MED26: variants seen among roughly 807,000 people sequenced by gnomAD.
MED26 encodes the protein mediator of RNA polymerase II transcription subunit 26.
A neutral mutation model predicts 43.7 loss-of-function variants in MED26; 7 were observed. The observed-to-expected ratio is 0.16, with a 90% CI of 0.09 to 0.30. The LOEUF is 0.30. Among genes scored for constraint, MED26 ranks in the 10% least tolerant of loss-of-function variants. The probability of loss-of-function intolerance (pLI) is 1.00; values close to 1 mark genes in which losing one functional copy is unlikely to be tolerated. For missense variants in MED26, 784 were observed against 840.6 expected (o/e 0.93, Z 0.83); for synonymous variants, 375 against 371.1 (o/e 1.01, Z -0.12).
At chr19:16,614,480 T>C (rs982522770) in intron 1 of MED26, among the ~76,000 whole-genome samples, 14 of 151,970 alleles carry the variant, frequency 9.2e-5, no homozygotes, top group African/African-American at 2.9e-4. Flanking sequence ...AGTGAGCCGA[T>C]TGTGCCACTG....
In MED26 at chr19:16,580,690, C is replaced by G. The variant is rs577137988; in HGVS notation, c.73-2281G>C. Reference sequence around the variant, plus strand: ...CCGGCCCAGAGTTCAGCTCTTTACACTACAGGAATGAGGCCCATTTTCTTG... The same window carrying G: ...CCGGCCCAGAGTTCAGCTCTTTACAGTACAGGAATGAGGCCCATTTTCTTG... On this transcript the variant is annotated intron_variant, in intron 1 of 2. Transcript: ENST00000263390. 3.9e-5 allele frequency among the ~76,000 whole-genome samples: 6 copies of G among 152,286 alleles called. No individual in the cohort carries two copies. The South Asian group carries it at 1.2e-3, about 32-fold the overall frequency.
At chr19:16,617,664 T>G (rs1489291148) in intron 1 of MED26, among the ~76,000 whole-genome samples, 1 of 151,998 alleles carries the variant, frequency 6.6e-6, no homozygotes, top group East Asian at 1.9e-4. Flanking sequence ...CTCAGCTCAG[T>G]GTTTAGAGGA....
intron 1 of MED26, among the ~76,000 whole-genome samples, chr19:16,585,907 C>T (rs188005787): frequency 6.6e-6 from 1 of 152,352 alleles, no homozygotes; most frequent in East Asian, 1.9e-4. Flanking sequence ...CAACCTCTTC[C>T]TCGCTTTATT....
At chr19:16,596,060 G>C (rs1219635912) in intron 1 of MED26, among the ~76,000 whole-genome samples, 4 of 152,136 alleles carry the variant, frequency 2.6e-5, no homozygotes, top group Non-Finnish European at 1.5e-5. Context: ...GCCCAGATTG[G>C]AGTGCAGTGG....
At position 16,576,870 on chromosome 19, in the gene MED26, C is replaced by A; in HGVS notation, c.960G>T (p.Gln320His). ...GCCGCCGTACGGGGGGTGTGGACGG[C>A]TGTGCCAGTGGAAGCGGTGACGGCA... Reference protein sequence around the residue: ...TQVPSPLPLAQPSTPPVRRLE... With the variant: ...TQVPSPLPLAHPSTPPVRRLE... Residue 320 changes from glutamine to histidine, a missense_variant, in exon 3 of 3, where the codon CAG becomes CAT. Physicochemically the swap from Gln to His is conservative, Grantham distance 24 (BLOSUM62 0). Coordinates refer to ENST00000263390, the MANE Select transcript of MED26 (RefSeq NM_004831.5). The surrounding 1 kb of genome is among the most constrained non-coding windows in gnomAD (Gnocchi z 6.8). The A allele has an allele frequency of 1.2e-6, 2 of 1,610,128 alleles. No individual in the cohort carries two copies. The highest frequency in any genetic ancestry group is 1.1e-5 in the South Asian group (1 of 90,826).
In MED26 at chr19:16,575,975, C is replaced by T. The variant is rs371947010; in HGVS notation, c.*52G>A. On this transcript the variant is annotated 3_prime_UTR_variant, in exon 3 of 3. Transcript: ENST00000263390. Reference sequence around the variant, plus strand: ...CCGGCCACCTGCCCACCTGCCTGCCCGCCCACCCGGCTTCTGCAAGATGGG... The same window carrying T: ...CCGGCCACCTGCCCACCTGCCTGCCTGCCCACCCGGCTTCTGCAAGATGGG... 3.9e-5 allele frequency: 60 copies of T among 1,540,434 alleles called. No individual in the cohort carries two copies. Among genetic ancestry groups the T allele is most frequent in the Middle Eastern group, 3.4e-4 (2 of 5,820 alleles).
intron 1 of MED26, among the ~76,000 whole-genome samples, chr19:16,580,543 A>AT (rs892358026): frequency 3.0e-4 from 45 of 150,172 alleles, no homozygotes; most frequent in Admixed American, 4.6e-4. Flanking sequence ...TAATTTTTGT[A>AT]TTTTTTTTTA....
At chr19:16,585,292 C>T (rs1246780031) in intron 1 of MED26, among the ~76,000 whole-genome samples, 1 of 152,174 alleles carries the variant, frequency 6.6e-6, no homozygotes, top group Non-Finnish European at 1.5e-5. Flanking sequence ...GAGCCCGAAC[C>T]AGGGGCACAC....
intron 1 of MED26, among the ~76,000 whole-genome samples, chr19:16,600,985 T>A (rs1391129604): frequency 6.6e-6 from 1 of 151,328 alleles, no homozygotes; most frequent in East Asian, 2.0e-4. Flanking sequence ...ACACAGCTAC[T>A]GGGGAGGCTG....
chr19:16,582,965 C>T (rs2086053161), intron 1 of MED26, among the ~76,000 whole-genome samples: 1 of 152,200 alleles, frequency 6.6e-6, no homozygotes, highest in Non-Finnish European at 1.5e-5. Context: ...TAGCGACTGC[C>T]CCCACAGACC....
In MED26 at chr19:16,621,087, T is replaced by G. The variant is rs528548922; in HGVS notation, c.72+6785A>C. Reference sequence around the variant, plus strand: ...CACTTCATGTTTGCAAGGGTACACCTTGGAAGACGCAATGGAGTTCAGCTT... The same window carrying G: ...CACTTCATGTTTGCAAGGGTACACCGTGGAAGACGCAATGGAGTTCAGCTT... On this transcript the variant is annotated intron_variant, in intron 1 of 2. Coordinates refer to ENST00000263390, the MANE Select transcript of MED26 (RefSeq NM_004831.5). 3.3e-5 allele frequency among the ~76,000 whole-genome samples: 5 copies of G among 152,308 alleles called. No individual in the cohort carries two copies. In the East Asian group the frequency reaches 9.7e-4, roughly 29 times the overall value.
intron 1 of MED26, among the ~76,000 whole-genome samples, chr19:16,615,102 A>G (rs1247494256): frequency 6.6e-6 from 1 of 152,202 alleles, no homozygotes; most frequent in Non-Finnish European, 1.5e-5. Flanking sequence ...GGGAAATGAC[A>G]GGCAAGTCAG....
intron 2 of MED26, chr19:16,578,011 C>G: frequency 2.1e-6 from 1 of 476,376 alleles, no homozygotes; most frequent in South Asian, 2.7e-5. Context: ...GTGCTGTGGC[C>G]GAGGCGACAG....
chr19:16,577,846 T>G lies in MED26; in HGVS notation c.148-164A>C. 1 of 569,366 alleles carries G rather than the reference T, an allele frequency of 1.8e-6. No individual in the cohort carries two copies. The highest frequency in any genetic ancestry group is 3.0e-5 in the East Asian group (1 of 32,906). 35.3% of individuals were successfully genotyped at this position (569,366 alleles called of 1,614,324 possible). A position where few individuals can be genotyped will look rare whatever the true frequency, so the allele number is the denominator to read the frequency against. ...AAAACTTCTGGGGATTTCCGGTCCT[T>G]TGTGACAATATAAATTCTCAAACCT... On this transcript the variant is annotated intron_variant, in intron 2 of 2. Transcript: ENST00000263390. This position sits in a 1 kb window ranked among gnomAD's most constrained non-coding sequence, Gnocchi z 8.1.
intron 1 of MED26, among the ~76,000 whole-genome samples, chr19:16,603,229 G>C (rs1364718410): frequency 6.6e-6 from 1 of 152,172 alleles, no homozygotes; most frequent in East Asian, 1.9e-4. Context: ...TTGGAACTGA[G>C]ACCAGGAAAA....
chr19:16,625,633 G>A (rs185046050), intron 1 of MED26, among the ~76,000 whole-genome samples: 137 of 151,984 alleles, frequency 9.0e-4, no homozygotes, highest in Middle Eastern at 6.8e-3. Flanking sequence ...AGGAGAGAGC[G>A]GCACGCCGGC....
intron 1 of MED26, among the ~76,000 whole-genome samples, chr19:16,594,822 G>A (rs779506538): frequency 1.1e-4 from 16 of 152,120 alleles, no homozygotes; most frequent in Admixed American, 2.6e-4. Flanking sequence ...GGGCAGGAAC[G>A]CATGTTTTTA....
rs1369655644 is a variant in MED26, at chr19:16,576,679, G to A, written c.1151C>T (p.Ala384Val). 6.2e-7 allele frequency: 1 copy of A among 1,613,932 alleles called. No homozygotes were observed. The highest frequency in any genetic ancestry group is 8.5e-7 in the Non-Finnish European group (1 of 1,180,034). ...TTTACTGTCCGAGCCCCCTGAGGAG[G>A]CAGCATCACTGTCCGCCTTGGAGGA... Reference protein sequence around the residue: ...PDSSKADSDAASSGGSDSKKK... With the variant: ...PDSSKADSDAVSSGGSDSKKK... Residue 384 changes from alanine to valine, a missense_variant, in exon 3 of 3, where the codon GCC becomes GTC. Physicochemically the swap from Ala to Val is moderately conservative, Grantham distance 64. Around this residue, in one of 3 missense-constraint regions of MED26, gnomAD observed 719 missense variants for 730.9 expected, o/e 0.98. Transcript: ENST00000263390. This position sits in a 1 kb window ranked among gnomAD's most constrained non-coding sequence, Gnocchi z 6.8.
chr19:16,586,028 T>A lies in MED26; in HGVS notation c.73-7619A>T, dbSNP rs563751881. Among the ~76,000 whole-genome samples the A allele has an allele frequency of 6.6e-6, 1 of 152,344 alleles. No homozygotes were observed. Among genetic ancestry groups the A allele is most frequent in the South Asian group, 2.1e-4 (1 of 4,832 alleles). ...TGAGTTTTGAGTCCCAGCAGCCCCT[T>A]GGCTTGCCTCTCCATTTTCTCCACA... On this transcript the variant is annotated intron_variant, in intron 1 of 2. Transcript: ENST00000263390. The surrounding 1 kb of genome is among the most constrained non-coding windows in gnomAD (Gnocchi z 5.1).
Sources: allele counts gnomAD v4.1 joint callset (sites outside exome capture counted in the v4.1 genomes callset), GRCh38; gene constraint gnomAD v4.1.1; regional missense constraint gnomAD v4.1.1; non-coding constraint Gnocchi (gnomAD v3.1); transcripts MANE v1.5; gene names NCBI Gene and HGNC (gene_info 2026-07-23, HGNC 2026-07-21).